Variants in SPTBN4 observed in about 807,000 individuals in gnomAD.
SPTBN4 encodes spectrin beta chain, non-erythrocytic 4.
A neutral mutation model predicts 277.8 loss-of-function variants in SPTBN4; 96 were observed. The observed-to-expected ratio is 0.35, with a 90% CI of 0.29 to 0.41. The LOEUF (loss-of-function observed/expected upper bound fraction) is 0.41. SPTBN4 is among the 10% of genes least tolerant of loss of function. The pLI, the probability that SPTBN4 is intolerant of heterozygous loss-of-function variation, is 1.00. For synonymous variants in SPTBN4, 1,481 were observed against 1,580.3 expected (o/e 0.94, Z 1.49); for missense variants, 3,006 against 3,595.7 (o/e 0.84, Z 4.19).
chr19:40,530,407 G>GGGCAGGGAGGCA, intron 18 of SPTBN4: 2 of 731,472 alleles, frequency 2.7e-6, no homozygotes, highest in South Asian at 6.1e-5. Flanking sequence ...GCAAAGAGGC[G>GGGCAGGGAGGCA]GGCAGGGAGG....
chr19:40,504,851 C>CA (rs113849503), intron 12 of SPTBN4, among the ~76,000 whole-genome samples: 27,528 of 147,816 alleles, frequency 0.19, 3,133 homozygotes, highest in African/African-American at 0.33. Context: ...GATTCTGTTT[C>CA]AAAAAAAAAG....
At chr19:40,530,565 C>G in intron 18 of SPTBN4, 1 of 980,764 alleles carries the variant, frequency 1.0e-6, no homozygotes, top group Non-Finnish European at 1.2e-6. Flanking sequence ...TGCAGGGACG[C>G]CCCGCCAACG....
chr19:40,524,159 T>C (rs1019229538), intron 17 of SPTBN4, among the ~76,000 whole-genome samples: 1 of 152,060 alleles, frequency 6.6e-6, no homozygotes, highest in Non-Finnish European at 1.5e-5. Context: ...GGATATACAA[T>C]GAAAGGTTTC....
At chr19:40,570,860 A>T in intron 33 of SPTBN4, 132 bp downstream of exon 33, 5 of 920,968 alleles carry the variant, frequency 5.4e-6, no homozygotes, top group African/African-American at 2.0e-5. Context: ...AGGTGGGGCC[A>T]GAGCTGGGGG....
Position 40,549,190 on chromosome 19 carries a change from C to A in SPTBN4, c.4361C>A (p.Ser1454Tyr). ...TVNSQLKKLQ[S>Y]MESQVEEWYR... is the part of the protein sequence containing the mutation. The stretch of plus-strand genomic sequence containing the variant: ...TTGACCCTGCCTCTGTCCCCACAGT[C>A]CATGGAGTCGCAGGTGGAGGAGTGG... Residue 1454 changes from serine (S) to tyrosine (Y), a missense_variant and splice_region_variant, in exon 21 of 36, where the codon TCC (serine) becomes TAC (tyrosine). Coordinates refer to ENST00000598249, the MANE Select transcript of SPTBN4 (RefSeq NM_020971.3). 6.5e-7 allele frequency: 1 copy of A among 1,544,652 alleles called. No homozygotes were observed.
At chr19:40,483,240 A>T (rs2080032950) in intron 2 of SPTBN4, among the ~76,000 whole-genome samples, 1 of 152,172 alleles carries the variant, frequency 6.6e-6, no homozygotes, top group East Asian at 1.9e-4. Flanking sequence ...CACTCTAGGG[A>T]TGCACTAAAA....
chr19:40,556,024 G>A (rs959508226), intron 24 of SPTBN4, 60 bp from the exon 25 acceptor site: 39 of 1,489,768 alleles, frequency 2.6e-5, no homozygotes, highest in Non-Finnish European at 3.2e-5. Flanking sequence ...GTTTAGGGGG[G>A]TCACGCTCTG....
chr19:40,525,283 C>G (rs1028346694), intron 17 of SPTBN4, among the ~76,000 whole-genome samples: 9 of 151,506 alleles, frequency 5.9e-5, no homozygotes, highest in African/African-American at 2.2e-4. Flanking sequence ...TTTAGTGCCC[C>G]CTTTTCCATC....
intron 1 of SPTBN4, among the ~76,000 whole-genome samples, chr19:40,469,688 G>A (rs1474724934): frequency 6.6e-6 from 1 of 151,510 alleles, no homozygotes; most frequent in Non-Finnish European, 1.5e-5. Flanking sequence ...CTCTCACCCA[G>A]GCTAGAGTGC....
intron 4 of SPTBN4, 58 bp from the exon 5 acceptor site, chr19:40,492,905 G>A: frequency 6.8e-7 from 1 of 1,470,484 alleles, no homozygotes; most frequent in East Asian, 2.3e-5. Flanking sequence ...GGTGAGTGGG[G>A]GGCATTCGAA....
chr19:40,566,491 G>A (rs1445625781), intron 30 of SPTBN4, 132 bp downstream of exon 30: 1 of 809,186 alleles, frequency 1.2e-6, no homozygotes, highest in Non-Finnish European at 1.8e-6. Flanking sequence ...ACAGACTCTT[G>A]CTAGGCTCCC....
chr19:40,549,331 T>G lies in SPTBN4; in HGVS notation c.4502T>G (p.Leu1501Arg). ...GTGGGCGAGCGCCTGGTGCGCCTGC[T>G]CGAGCCGTTGCAGGAGCGCCGCCGC... is the stretch of plus-strand genomic sequence containing the variant. ...NAVGERLVRL[L>R]EPLQERRRLL... Residue 1501 changes from leucine (L) to arginine (R), a missense_variant, in exon 21 of 36, where the codon CTC (leucine) becomes CGC (arginine). Leu to Arg is a moderately radical substitution (Grantham distance 102, BLOSUM62 -2). Transcript: ENST00000598249. 6.5e-7 allele frequency: 1 copy of G among 1,537,460 alleles called. No individual in the cohort carries two copies. The highest frequency in any genetic ancestry group is 8.7e-7 in the Non-Finnish European group (1 of 1,145,536).
In SPTBN4 at chr19:40,488,650, A is replaced by G. The variant is rs183488295; in HGVS notation, c.321+802A>G. 5.5e-3 allele frequency among the ~76,000 whole-genome samples: 842 copies of G among 151,880 alleles called. 9 individuals carry two copies. Among genetic ancestry groups the G allele is most frequent in the African/African-American group, 0.02 (807 of 41,320 alleles). On this transcript the variant is annotated intron_variant, in intron 3 of 35. Transcript: ENST00000598249. ...CTACGGTTTGTTTGTTTGTTTGTTTATTTGTTTAAATTAACCAGGCGTGGT... is the reference window on the plus strand; with the variant it reads ...CTACGGTTTGTTTGTTTGTTTGTTTGTTTGTTTAAATTAACCAGGCGTGGT...
rs1239495631 is a variant in SPTBN4, at chr19:40,519,781, A to C, written c.3284A>C (p.His1095Pro). 1 of 1,427,176 alleles carries C rather than the reference A, an allele frequency of 7.0e-7. No individual in the cohort carries two copies. The highest frequency in any genetic ancestry group is 9.1e-7 in the Non-Finnish European group (1 of 1,104,626). The allele number at this position is 1,427,176 out of a possible 1,614,324, so 88.4% of individuals were successfully genotyped here. Residue 1095 changes from histidine (H) to proline (P), a missense_variant, in exon 16 of 36, where the codon CAT (histidine) becomes CCT (proline). Coordinates refer to ENST00000598249, the MANE Select transcript of SPTBN4 (RefSeq NM_020971.3). This position sits in a 1 kb window ranked among gnomAD's most constrained non-coding sequence, Gnocchi z 5.7. ...AAAGRLQRFL[H>P]DLDAFLDWLV... is the part of the protein sequence containing the mutation. ...GCAGGGCGCCTGCAGCGCTTCCTAC[A>C]TGACCTCGACGCTTTCCTGGACTGG...
At chr19:40,540,793 G>A (rs1006577360) in intron 20 of SPTBN4, among the ~76,000 whole-genome samples, 7 of 122,062 alleles carry the variant, frequency 5.7e-5, no homozygotes, top group Admixed American at 3.3e-4. Flanking sequence ...CAATCTGGTC[G>A]ACAGAGTGAG....
chr19:40,575,038 T>A (rs1285437124), intron 35 of SPTBN4, among the ~76,000 whole-genome samples: 1 of 150,144 alleles, frequency 6.7e-6, no homozygotes, highest in African/African-American at 2.5e-5. Flanking sequence ...AAAAAGTCTC[T>A]TATCATAGGG....
rs1173498782 is a variant in SPTBN4, at chr19:40,532,850, G to A, written c.4095+79G>A. 21 of 1,479,008 alleles carry A rather than the reference G, an allele frequency of 1.4e-5. No individual in the cohort carries two copies. In the South Asian group the frequency reaches 1.5e-4, roughly 11 times the overall value. The allele number at this position is 1,479,008 out of a possible 1,614,324, so 91.6% of individuals were successfully genotyped here. ...AGCCCACGTCTCACCTGCTGCACCC[G>A]CTGCTGCCATCCTGCTGGTCTTACA... On this transcript the variant is annotated intron_variant, in intron 19 of 35. Transcript: ENST00000598249.
chr19:40,574,486 T>G (rs1406593858), intron 35 of SPTBN4, among the ~76,000 whole-genome samples: 3 of 151,758 alleles, frequency 2.0e-5, no homozygotes, highest in African/African-American at 7.3e-5. Context: ...CTCAGCTACC[T>G]GGGTGACTGG....
At chr19:40,553,499 T>C (rs1455970621) in intron 22 of SPTBN4, among the ~76,000 whole-genome samples, 1 of 152,130 alleles carries the variant, frequency 6.6e-6, no homozygotes, top group African/African-American at 2.4e-5. Flanking sequence ...CTGGCTGTTA[T>C]TATCTTTATC....
Sources: gnomAD v4.1 joint callset for allele counts (sites outside exome capture counted in the v4.1 genomes callset) on GRCh38, gnomAD v4.1.1 for gene constraint, Gnocchi (gnomAD v3.1) non-coding constraint, MANE v1.5 for transcripts, NCBI Gene and HGNC (gene_info 2026-07-23, HGNC 2026-07-21) for gene names.